Variants in CHURC1 observed in about 807,000 individuals in gnomAD.
CHURC1 encodes the protein protein Churchill.
In CHURC1, 12 loss-of-function variants were observed where a neutral mutation model predicts 15.4. That is an observed-to-expected ratio of 0.78 (90% CI 0.50 to 1.27). The LOEUF is 1.27. Among genes scored for constraint, CHURC1 ranks in the 50% most tolerant of loss-of-function variants. The pLI is 0.00. For missense variants in CHURC1, 132 were observed against 137.8 expected (o/e 0.96, Z 0.21); for synonymous variants, 42 against 47.5 (o/e 0.88, Z 0.48).
At chr14:64,926,496 G>A (rs1450420803) in intron 3 of CHURC1, among the ~76,000 whole-genome samples, 1 of 152,136 alleles carries the variant, frequency 6.6e-6, no homozygotes. Context: ...AAGAATAGTA[G>A]CACATTCTAG....
At chr14:64,930,810 AAATAGC>A in intron 3 of CHURC1, 1 of 454,726 alleles carries the variant, frequency 2.2e-6, no homozygotes, top group South Asian at 1.6e-5. Context: ...GTTGCCATCC[AAATAGC>A]AATGCCTGGT....
rs151093386 is a variant in CHURC1 at position 64,933,816 on chromosome 14, G to A, written c.*1586G>A. The stretch of plus-strand genomic sequence containing the variant: ...GTAGATACTAGGGAAAAGCTTTGTT[G>A]AATAACAGTAATGATGATAATATCT... On this transcript the variant is annotated 3_prime_UTR_variant, in exon 4 of 4. Coordinates refer to ENST00000549115, the MANE Select transcript of CHURC1 (RefSeq NM_001386928.1). 4.5e-5 allele frequency: 44 copies of A among 985,364 alleles called. No homozygotes were observed. In the East Asian group the frequency reaches 4.9e-3, roughly 109 times the overall value. The allele number at this position is 985,364 out of a possible 1,614,324, so 61.0% of individuals were successfully genotyped here.
intron 2 of CHURC1, 155 bp downstream of exon 2, chr14:64,924,281 C>T (rs1437782626): frequency 1.2e-6 from 1 of 822,638 alleles, no homozygotes; most frequent in East Asian, 3.3e-5. Context: ...ATTAACACCT[C>T]ATTTATCTGG....
intron 1 of CHURC1, among the ~76,000 whole-genome samples, chr14:64,914,785 C>A (rs1447274348): frequency 3.3e-5 from 5 of 152,234 alleles, no homozygotes; most frequent in African/African-American, 1.2e-4. Flanking sequence ...GGAACCCCAC[C>A]ACCACCACAA....
Position 64,932,568 on chromosome 14 carries a change from C to T in CHURC1, c.*338C>T. On this transcript the variant is annotated 3_prime_UTR_variant, in exon 4 of 4. Coordinates refer to ENST00000549115, the MANE Select transcript of CHURC1 (RefSeq NM_001386928.1). ...GGACTCCTTAGAAAATGAACTGATT[C>T]TAGAACTGGGATATGAACTGTACAA... 1.6e-6 allele frequency: 1 copy of T among 613,780 alleles called. No individual in the cohort carries two copies. 38.0% of individuals were successfully genotyped at this position (613,780 alleles called of 1,614,324 possible). A position where few individuals can be genotyped will look rare whatever the true frequency, so the allele number is the denominator to read the frequency against.
At chr14:64,926,540 T>A (rs1165040059) in intron 3 of CHURC1, among the ~76,000 whole-genome samples, 1 of 152,252 alleles carries the variant, frequency 6.6e-6, no homozygotes, top group African/African-American at 2.4e-5. Flanking sequence ...CTGCTTTTTT[T>A]CTGCCCAGTT....
At chr14:64,928,100 C>A (rs529112906) in intron 3 of CHURC1, among the ~76,000 whole-genome samples, 1 of 152,252 alleles carries the variant, frequency 6.6e-6, no homozygotes, top group African/African-American at 2.4e-5. Context: ...TCTTCCTTCT[C>A]TCCTGTTAGA....
At chr14:64,930,448 C>T (rs975092295) in intron 3 of CHURC1, among the ~76,000 whole-genome samples, 12 of 152,160 alleles carry the variant, frequency 7.9e-5, no homozygotes, top group East Asian at 7.7e-4. Flanking sequence ...GGAACCTAAC[C>T]GCCATGTATG....
Position 64,934,556 on chromosome 14 carries a change from A to G in CHURC1, c.*2326A>G. 3.0e-6 allele frequency: 3 copies of G among 985,412 alleles called. No individual in the cohort carries two copies. Among genetic ancestry groups the G allele is most frequent in the Non-Finnish European group, 3.6e-6 (3 of 829,924 alleles). 61.0% of individuals were successfully genotyped at this position (985,412 alleles called of 1,614,324 possible). A position where few individuals can be genotyped will look rare whatever the true frequency, so the allele number is the denominator to read the frequency against. The stretch of plus-strand genomic sequence containing the variant: ...TCAGATGAAGATTTATTATTCAGAA[A>G]AGTTAAGTCAGCTGTTGCAGGGATC... On this transcript the variant is annotated 3_prime_UTR_variant, in exon 4 of 4. Transcript: ENST00000549115.
intron 1 of CHURC1, among the ~76,000 whole-genome samples, chr14:64,923,273 C>CAAAAAAA (rs563823780): frequency 2.9e-5 from 3 of 103,336 alleles, no homozygotes; most frequent in Non-Finnish European, 6.0e-5. Context: ...TCTCAATTAC[C>CAAAAAAA]AAAAAAAAAA....
At chr14:64,931,279 AT>A (rs1342477965) in intron 3 of CHURC1, among the ~76,000 whole-genome samples, 3 of 152,234 alleles carry the variant, frequency 2.0e-5, no homozygotes, top group African/African-American at 7.2e-5. Context: ...CACACCTGTA[AT>A]CCTGTCACTT....
chr14:64,925,696 CAAAA>C (rs3033506), intron 2 of CHURC1, among the ~76,000 whole-genome samples: 2 of 66,188 alleles, frequency 3.0e-5, no homozygotes, highest in African/African-American at 6.3e-5. Context: ...GACCCGGCCT[CAAAA>C]AAAAAAAAAA....
intron 3 of CHURC1, among the ~76,000 whole-genome samples, chr14:64,930,520 G>A (rs1267683505): frequency 2.0e-5 from 3 of 152,172 alleles, no homozygotes; most frequent in Non-Finnish European, 4.4e-5. Context: ...TGAAATTTGG[G>A]TTCCAGACTG....
At chr14:64,928,501 C>T in intron 3 of CHURC1, among the ~76,000 whole-genome samples, 1 of 152,206 alleles carries the variant, frequency 6.6e-6, no homozygotes, top group East Asian at 1.9e-4. Context: ...CCTCCTGCCT[C>T]AGCCTCCCAA....
intron 1 of CHURC1, among the ~76,000 whole-genome samples, chr14:64,918,646 A>G (rs1237570260): frequency 2.0e-5 from 3 of 152,138 alleles, no homozygotes; most frequent in Non-Finnish European, 2.9e-5. Context: ...TGGGCTACAT[A>G]GTGAGACCCC....
At position 64,932,498 on chromosome 14, in the gene CHURC1, G is replaced by A; in HGVS notation, c.*268G>A. 8.8e-7 allele frequency: 1 copy of A among 1,132,748 alleles called. No homozygotes were observed. The allele number at this position is 1,132,748 out of a possible 1,614,324, so 70.2% of individuals were successfully genotyped here. A position where few individuals can be genotyped will look rare whatever the true frequency, so the allele number is the denominator to read the frequency against. ...TGTGGTCAGAAAACAACTAGAATGG[G>A]AGCACACCTGGTGCCCAGATTTTGG... On this transcript the variant is annotated 3_prime_UTR_variant, in exon 4 of 4. Transcript: ENST00000549115.
At position 64,935,046 on chromosome 14, in the gene CHURC1, A is replaced by C. The variant is rs1325326800; in HGVS notation, c.*2816A>C. On this transcript the variant is annotated 3_prime_UTR_variant, in exon 4 of 4. Coordinates refer to ENST00000549115, the MANE Select transcript of CHURC1 (RefSeq NM_001386928.1). ...AAATTAGGAATTAGGGACATGGATGAAATTGGAAATCTTCATTCTCAGTAA... is the reference window on the plus strand; with the variant it reads ...AAATTAGGAATTAGGGACATGGATGCAATTGGAAATCTTCATTCTCAGTAA... 2 of 965,922 alleles carry C rather than the reference A, an allele frequency of 2.1e-6. No individual in the cohort carries two copies. Among genetic ancestry groups the C allele is most frequent in the Non-Finnish European group, 2.5e-6 (2 of 812,492 alleles). 59.8% of individuals were successfully genotyped at this position (965,922 alleles called of 1,614,324 possible).
intron 3 of CHURC1, among the ~76,000 whole-genome samples, chr14:64,927,716 A>ACCCCCCC (rs1172402751): frequency 9.8e-5 from 4 of 40,648 alleles, no homozygotes; most frequent in East Asian, 8.7e-4. Flanking sequence ...TTCTCCCCCC[A>ACCCCCCC]CCCCCCCCCC....
intron 2 of CHURC1, 34 bp downstream of exon 2, chr14:64,924,160 TAGC>T: frequency 6.3e-7 from 1 of 1,577,706 alleles, no homozygotes; most frequent in Non-Finnish European, 8.6e-7. Context: ...CTGAGTGTGT[TAGC>T]AGGTGTCAGC....
Sources: allele counts gnomAD v4.1 joint callset (sites outside exome capture counted in the v4.1 genomes callset), GRCh38; gene constraint gnomAD v4.1.1; transcripts MANE v1.5; gene names NCBI Gene and HGNC (gene_info 2026-07-23, HGNC 2026-07-21).